Variants in PTPMT1 observed in about 807,000 individuals in gnomAD.
PTPMT1 encodes protein tyrosine phosphatase mitochondrial 1, also known as phosphatidylglycerophosphatase and protein-tyrosine phosphatase 1.
A neutral mutation model predicts 17.8 loss-of-function variants in PTPMT1; 12 were observed. The ratio of observed to expected loss-of-function variants is 0.67; its 90% CI spans 0.43 to 1.09. PTPMT1 has a LOEUF of 1.09. PTPMT1 is among the 50% of genes least tolerant of loss of function. The pLI, the probability that PTPMT1 is intolerant of heterozygous loss-of-function variation, is 0.00. For synonymous variants in PTPMT1, 132 were observed against 116.8 expected, an observed-to-expected ratio of 1.13 and a Z score of -0.84; for missense variants, 262 against 266.0, an observed-to-expected ratio of 0.99 and a Z score of 0.10.
chr11:47,572,314 AAAT>A lies in PTPMT1; in HGVS notation c.*689_*691del, dbSNP rs1421190771. ...TGAAAAAGTTTCTGCTATTAATCAG[AAAT>A]AATCATTTCTATTTTCTGGCTTACC... is the stretch of plus-strand genomic sequence containing the variant. On this transcript the variant is annotated 3_prime_UTR_variant, in exon 4 of 4. Coordinates refer to ENST00000326674, the MANE Select transcript of PTPMT1 (RefSeq NM_175732.3). 1 of 152,950 alleles carries A rather than the reference AAAT, an allele frequency of 6.5e-6. No homozygotes were observed. The highest frequency in any genetic ancestry group is 2.4e-5 in the African/African-American group (1 of 41,464). 9.5% of individuals were successfully genotyped at this position (152,950 alleles called of 1,614,324 possible). A position where few individuals can be genotyped will look rare whatever the true frequency, so the allele number is the denominator to read the frequency against.
At chr11:47,569,228 A>G (rs375060081) in intron 2 of PTPMT1, among the ~76,000 whole-genome samples, 1 of 151,700 alleles carries the variant, frequency 6.6e-6, no homozygotes, top group East Asian at 2.0e-4. Flanking sequence ...TCTACTAAAA[A>G]TGCAAAAATT....
intron 2 of PTPMT1, among the ~76,000 whole-genome samples, chr11:47,566,682 G>A (rs1028188086): frequency 6.6e-6 from 1 of 152,028 alleles, no homozygotes; most frequent in African/African-American, 2.4e-5. Flanking sequence ...CAGTGTTAGG[G>A]ATTCCAGATG....
intron 2 of PTPMT1, among the ~76,000 whole-genome samples, chr11:47,569,418 T>G (rs942748896): frequency 3.0e-4 from 44 of 148,352 alleles, no homozygotes; most frequent in Admixed American, 5.4e-4. Flanking sequence ...AGGAACACTT[T>G]AAATCTTGGA....
intron 3 of PTPMT1, 140 bp from the exon 4 acceptor site, chr11:47,571,331 C>A: frequency 1.5e-6 from 1 of 668,060 alleles, no homozygotes; most frequent in Non-Finnish European, 2.5e-6. Context: ...ATAATACAAG[C>A]AGCATGATTT....
chr11:47,566,136 A>G, intron 2 of PTPMT1, 150 bp downstream of exon 2: 1 of 842,552 alleles, frequency 1.2e-6, no homozygotes, highest in Non-Finnish European at 1.7e-6. Flanking sequence ...GTGCCTCTAA[A>G]TGGCACCTGG....
intron 3 of PTPMT1, among the ~76,000 whole-genome samples, chr11:47,570,930 AT>A (rs2097249273): frequency 6.6e-6 from 1 of 152,128 alleles, no homozygotes; most frequent in South Asian, 2.1e-4. Context: ...TCAGGAGGGT[AT>A]TTTGCACCAA....
Position 47,569,611 on chromosome 11 carries a change from T to C in PTPMT1, c.256-89T>C. 5 of 1,013,740 alleles carry C rather than the reference T, an allele frequency of 4.9e-6. No homozygotes were observed. In the South Asian group the frequency reaches 5.0e-5, roughly 10 times the overall value. 62.8% of individuals were successfully genotyped at this position (1,013,740 alleles called of 1,614,324 possible). A position where few individuals can be genotyped will look rare whatever the true frequency, so the allele number is the denominator to read the frequency against. ...TGTAGTAAACCCTGAAACTTCCTTG[T>C]TGCTTTGCTGCTTCTTGGGAGCCCC... On this transcript the variant is annotated intron_variant, in intron 2 of 3. Coordinates refer to ENST00000326674, the MANE Select transcript of PTPMT1 (RefSeq NM_175732.3).
rs969135093 is a variant in PTPMT1, at chr11:47,565,813, A to C, written c.174+17A>C. On this transcript the variant is annotated intron_variant, in intron 1 of 3. Transcript: ENST00000326674. ...ACGCGCCAGGTGAGCCGGGCCGGGG[A>C]GCCCGGGCCCCTGCCCCGTCCCCGC... 5.2e-5 allele frequency: 83 copies of C among 1,583,798 alleles called. No individual in the cohort carries two copies. The highest frequency in any genetic ancestry group is 6.9e-5 in the Non-Finnish European group (81 of 1,166,666).
intron 3 of PTPMT1, 28 bp from the exon 4 acceptor site, chr11:47,571,443 C>T (rs758743451): frequency 6.2e-7 from 1 of 1,608,852 alleles, no homozygotes; most frequent in South Asian, 1.1e-5. Flanking sequence ...CTTTCTTTCT[C>T]TGCTGATTTC....
At position 47,573,229 on chromosome 11, in the gene PTPMT1, C is replaced by T; in HGVS notation, c.*1600C>T. 3 of 1,614,146 alleles carry T rather than the reference C, an allele frequency of 1.9e-6. No homozygotes were observed. The highest frequency in any genetic ancestry group is 2.5e-6 in the Non-Finnish European group (3 of 1,180,024). On this transcript the variant is annotated 3_prime_UTR_variant, in exon 4 of 4. Transcript: ENST00000326674. This position sits in a 1 kb window ranked among gnomAD's most constrained non-coding sequence, Gnocchi z 4.1. ...TGCACAGCTGCGTGCATGCGGCCTG[C>T]AAAGGGCAGCACATAGGGCTTCACA...
Position 47,571,643 on chromosome 11 carries a change from GA to G in PTPMT1, c.*17del. ...TCAAAGACATGATGTATGGGGATTA[GA>G]AAGAACTCAAGACACTCCTGCTTGA... On this transcript the variant is annotated 3_prime_UTR_variant, in exon 4 of 4. Transcript: ENST00000326674. 1.2e-6 allele frequency: 2 copies of G among 1,613,552 alleles called. No individual in the cohort carries two copies. The highest frequency in any genetic ancestry group is 1.7e-6 in the Non-Finnish European group (2 of 1,179,648).
At position 47,572,271 on chromosome 11, in the gene PTPMT1, A is replaced by G. The variant is rs1056545498; in HGVS notation, c.*642A>G. 4 of 152,830 alleles carry G rather than the reference A, an allele frequency of 2.6e-5. No individual in the cohort carries two copies. The highest frequency in any genetic ancestry group is 9.6e-5 in the African/African-American group (4 of 41,456). 9.5% of individuals were successfully genotyped at this position (152,830 alleles called of 1,614,324 possible). A position where few individuals can be genotyped will look rare whatever the true frequency, so the allele number is the denominator to read the frequency against. ...GCTTAGAGCTTTTAAAAGAGCAGACACCTTATATATTTGAGATTGAAAAAG... is the reference window on the plus strand; with the variant it reads ...GCTTAGAGCTTTTAAAAGAGCAGACGCCTTATATATTTGAGATTGAAAAAG... On this transcript the variant is annotated 3_prime_UTR_variant, in exon 4 of 4. Transcript: ENST00000326674.
At chr11:47,567,531 T>TGCCAGAGA (rs1429263141) in intron 2 of PTPMT1, among the ~76,000 whole-genome samples, 1 of 151,864 alleles carries the variant, frequency 6.6e-6, no homozygotes. Flanking sequence ...TTTGCCCAGT[T>TGCCAGAGA]GCCAGAGACC....
chr11:47,569,357 G>A (rs912582190), intron 2 of PTPMT1, among the ~76,000 whole-genome samples: 2 of 137,564 alleles, frequency 1.5e-5, no homozygotes, highest in Admixed American at 8.0e-5. Context: ...CTGTACTACA[G>A]CCTGGGCAAC....
At chr11:47,569,935 T>C (rs1395251715) in intron 3 of PTPMT1, 44 bp downstream of exon 3, 5 of 1,514,932 alleles carry the variant, frequency 3.3e-6, no homozygotes, top group Admixed American at 3.5e-5. Flanking sequence ...TACACACTTA[T>C]GATCCCAGCA....
At chr11:47,565,839 C>T (rs750051953) in intron 1 of PTPMT1, 43 bp downstream of exon 1, 8 of 1,601,480 alleles carry the variant, frequency 5.0e-6, no homozygotes, top group Admixed American at 1.7e-5. Flanking sequence ...CCGTCCCCGC[C>T]GCTCCGTCCC....
intron 3 of PTPMT1, 145 bp downstream of exon 3, chr11:47,570,036 C>A (rs1002655392): frequency 1.2e-5 from 8 of 643,814 alleles, no homozygotes; most frequent in Admixed American, 5.8e-5. Flanking sequence ...ACAAAAAATA[C>A]AACAAGTTAG....
At chr11:47,570,284 A>C (rs924167145) in intron 3 of PTPMT1, among the ~76,000 whole-genome samples, 1 of 150,734 alleles carries the variant, frequency 6.6e-6, no homozygotes, top group African/African-American at 2.4e-5. Context: ...TGTTGGAAGG[A>C]GCTGTGTGCT....
intron 2 of PTPMT1, among the ~76,000 whole-genome samples, chr11:47,567,121 C>T (rs2097245685): frequency 6.6e-6 from 1 of 152,168 alleles, no homozygotes; most frequent in African/African-American, 2.4e-5. Flanking sequence ...GTGACTTGGC[C>T]AGGCGTGGTG....
Sources: allele counts gnomAD v4.1 joint callset (sites outside exome capture counted in the v4.1 genomes callset), GRCh38; gene constraint gnomAD v4.1.1; non-coding constraint Gnocchi (gnomAD v3.1); transcripts MANE v1.5; gene names NCBI Gene and HGNC (gene_info 2026-07-23, HGNC 2026-07-21).